TXLNG: variants seen among roughly 807,000 people sequenced by gnomAD.
TXLNG encodes taxilin gamma.
Under a neutral mutation model 38.8 loss-of-function variants are expected in TXLNG, and 5 were observed. The ratio of observed to expected loss-of-function variants is 0.13; its 90% CI spans 0.07 to 0.27. TXLNG has a LOEUF of 0.27. Among genes scored for constraint, TXLNG ranks in the 10% least tolerant of loss-of-function variants. TXLNG has a pLI of 1.00. For missense variants in TXLNG, 393 were observed against 398.2 expected (o/e 0.99, Z 0.11); for synonymous variants, 182 against 158.2 (o/e 1.15, Z -1.13).
chrX:16,804,501 C>T (rs932435796), intron 1 of TXLNG, among the ~76,000 whole-genome samples: 1 of 109,862 alleles, frequency 9.1e-6, no homozygotes, highest in African/African-American at 3.3e-5. Flanking sequence ...TAGAGCCCCC[C>T]ACCCCCCGCC....
At position 16,841,576 on chromosome X, in the gene TXLNG, A is replaced by C; in HGVS notation, c.1397A>C (p.Lys466Thr). The C allele has an allele frequency of 8.3e-7, 1 of 1,211,701 alleles. No individual in the cohort carries two copies. The highest frequency in any genetic ancestry group is 1.8e-5 in the South Asian group (1 of 56,986). Residue 466 changes from lysine (K) to threonine (T), a missense_variant, in exon 10 of 10, where the codon AAA (lysine) becomes ACA (threonine). Transcript: ENST00000380122. Reference sequence around the variant, plus strand: ...CAGGTATCCATCAAAGCGGCCATCAAAGCGGCGAACAGGGATTTAGCAACA... The same window carrying C: ...CAGGTATCCATCAAAGCGGCCATCACAGCGGCGAACAGGGATTTAGCAACA... The part of the protein sequence containing the change: ...KEQVSIKAAI[K>T]AANRDLATPV...
At chrX:16,788,849 G>A (rs1013112438) in intron 1 of TXLNG, among the ~76,000 whole-genome samples, 1 of 110,367 alleles carries the variant, frequency 9.1e-6, no homozygotes, top group African/African-American at 3.3e-5. Context: ...TATATTTTTA[G>A]TAGAAACAGG....
At chrX:16,801,471 T>A (rs906159909) in intron 1 of TXLNG, among the ~76,000 whole-genome samples, 1 of 111,739 alleles carries the variant, frequency 8.9e-6, no homozygotes, top group Admixed American at 9.5e-5. Context: ...CAGGCGTGGG[T>A]CACCGAGCTC....
At chrX:16,797,155 A>T (rs930605017) in intron 1 of TXLNG, among the ~76,000 whole-genome samples, 3 of 109,546 alleles carry the variant, frequency 2.7e-5, no homozygotes, top group Admixed American at 2.0e-4. Flanking sequence ...GTGGTGGCGC[A>T]TGCCTGTAAT....
intron 3 of TXLNG, among the ~76,000 whole-genome samples, chrX:16,821,469 C>A (rs1027464543): frequency 1.2e-4 from 13 of 111,818 alleles, no homozygotes; most frequent in Non-Finnish European, 2.3e-4. Flanking sequence ...GGAAACCCTG[C>A]CATCCTATTT....
At chrX:16,830,879 GTGTGTGTA>G (rs1929382318) in intron 5 of TXLNG, among the ~76,000 whole-genome samples, 4 of 96,107 alleles carry the variant, frequency 4.2e-5, no homozygotes, top group African/African-American at 1.1e-4. Flanking sequence ...GTGTGTGTGT[GTGTGTGTA>G]TAGAGACAGT....
chrX:16,811,853 G>C (rs769149002), intron 1 of TXLNG, among the ~76,000 whole-genome samples: 21 of 108,636 alleles, frequency 1.9e-4, no homozygotes, highest in Non-Finnish European at 1.9e-5. Flanking sequence ...TGGCCAGGAT[G>C]GTCTTGATCA....
At chrX:16,824,260 T>A (rs1225880793) in intron 3 of TXLNG, among the ~76,000 whole-genome samples, 1 of 110,789 alleles carries the variant, frequency 9.0e-6, no homozygotes, top group African/African-American at 3.3e-5. Context: ...AGTGGTAGGA[T>A]TGCTTGAGCC....
chrX:16,837,505 T>A, intron 7 of TXLNG, 88 bp from the exon 8 acceptor site: 1 of 605,601 alleles, frequency 1.7e-6, no homozygotes, highest in African/African-American at 2.3e-5. Flanking sequence ...TCACTTGTAA[T>A]AAGTAACCAT....
Position 16,843,977 on chromosome X carries a change from C to T in TXLNG, c.*2211C>T, listed in dbSNP as rs1843941588. The T allele has an allele frequency of 9.0e-6, 1 of 111,399 alleles. No individual in the cohort carries two copies. Among genetic ancestry groups the T allele is most frequent in the Middle Eastern group, 4.6e-3 (1 of 217 alleles). 9.2% of individuals were successfully genotyped at this position (111,399 alleles called of 1,213,427 possible). On this transcript the variant is annotated 3_prime_UTR_variant, in exon 10 of 10. Coordinates refer to ENST00000380122, the MANE Select transcript of TXLNG (RefSeq NM_018360.3). ...AGTGTTGTGGCTTTGTAGCGCACCC[C>T]GTATCTACCATATTCTAGAACACTG...
chrX:16,828,112 G>C lies in TXLNG; in HGVS notation c.517G>C (p.Val173Leu). 1 of 1,210,230 alleles carries C rather than the reference G, an allele frequency of 8.3e-7. No homozygotes were observed. Among genetic ancestry groups the C allele is most frequent in the East Asian group, 3.0e-5 (1 of 33,826 alleles). ...YADLLEESRSVQKQMKILQKK... is the reference protein window; with the variant it reads ...YADLLEESRSLQKQMKILQKK... ...ATTTTAGCTGGAGGAGAGCAGGAGT[G>C]TTCAGAAGCAAATGAAGATCCTGCA... Residue 173 changes from valine (V) to leucine (L), a missense_variant, in exon 4 of 10, where the codon GTT (valine) becomes CTT (leucine). Coordinates refer to ENST00000380122, the MANE Select transcript of TXLNG (RefSeq NM_018360.3).
At position 16,843,111 on chromosome X, in the gene TXLNG, A is replaced by AAAT. The variant is rs1179784383; in HGVS notation, c.*1348_*1350dup. 1 of 112,581 alleles carries AAAT rather than the reference A, an allele frequency of 8.9e-6. No individual in the cohort carries two copies. Among genetic ancestry groups the AAAT allele is most frequent in the Non-Finnish European group, 1.9e-5 (1 of 53,345 alleles). 9.3% of individuals were successfully genotyped at this position (112,581 alleles called of 1,213,427 possible). A position where few individuals can be genotyped will look rare whatever the true frequency, so the allele number is the denominator to read the frequency against. On this transcript the variant is annotated 3_prime_UTR_variant, in exon 10 of 10. Coordinates refer to ENST00000380122, the MANE Select transcript of TXLNG (RefSeq NM_018360.3). ...ATAATTTGCATTGAAATGCTTTATG[A>AAAT]AATAAAAGGTTCTACTAGAACTGAT...
intron 1 of TXLNG, among the ~76,000 whole-genome samples, chrX:16,810,154 C>G (rs988791788): frequency 5.4e-5 from 6 of 111,666 alleles, no homozygotes; most frequent in Non-Finnish European, 9.4e-5. Context: ...GAGGATTAAG[C>G]TAATTAATAT....
rs181565417 is a variant in TXLNG at position 16,832,691 on chromosome X, G to A, written c.933G>A (p.Thr311=). 1.2e-5 allele frequency: 14 copies of A among 1,206,220 alleles called. No homozygotes were observed. In the East Asian group the frequency reaches 2.4e-4, roughly 21 times the overall value. Residue 311 remains threonine, a synonymous_variant, in exon 6 of 10, where the codon ACG becomes ACA. Coordinates refer to ENST00000380122, the MANE Select transcript of TXLNG (RefSeq NM_018360.3). ...TCGTGGATGCCAAACTGCAGCAAAC[G>A]ACACAACTGATAAAAGAAGCTGATG... ...QQLVDAKLQQ[T]TQLIKEADEK...
chrX:16,841,126 C>A (rs1455454210), intron 9 of TXLNG, among the ~76,000 whole-genome samples: 1 of 108,790 alleles, frequency 9.2e-6, no homozygotes, highest in African/African-American at 3.4e-5. Context: ...ACCCAGGAGG[C>A]AGAGGTTGCA....
At chrX:16,821,124 C>G (rs1290112353) in intron 3 of TXLNG, among the ~76,000 whole-genome samples, 1 of 81,924 alleles carries the variant, frequency 1.2e-5, no homozygotes, top group Admixed American at 1.7e-4. Context: ...TTTGGAGTTT[C>G]TTTCTTTCTT....
At chrX:16,836,362 T>C (rs1394176686) in intron 7 of TXLNG, among the ~76,000 whole-genome samples, 1 of 112,507 alleles carries the variant, frequency 8.9e-6, no homozygotes. Context: ...AGGCCTGTCA[T>C]GTCAGAGGCC....
At chrX:16,822,733 C>T (rs1342355262) in intron 3 of TXLNG, among the ~76,000 whole-genome samples, 1 of 112,366 alleles carries the variant, frequency 8.9e-6, no homozygotes, top group Non-Finnish European at 1.9e-5. Context: ...GTGACAATGA[C>T]AGACAGCCAT....
chrX:16,841,477 G>A lies in TXLNG; in HGVS notation c.1298G>A (p.Arg433Gln), dbSNP rs780116622. ...AAGGCCCTTCAAATAAAACTGGAAC[G>A]GTTAGAGAAGCTGTGCAGGGCTCTT... ...EYKALQIKLERLEKLCRALQT... is the reference protein window; with the variant it reads ...EYKALQIKLEQLEKLCRALQT... Residue 433 changes from arginine to glutamine, a missense_variant, in exon 10 of 10, where the codon CGG (arginine) becomes CAG (glutamine). By Grantham distance (43) the Arg-to-Gln change is conservative (BLOSUM62 1). Transcript: ENST00000380122. 8.3e-7 allele frequency: 1 copy of A among 1,211,575 alleles called. No homozygotes were observed. Among genetic ancestry groups the A allele is most frequent in the Non-Finnish European group, 1.1e-6 (1 of 895,432 alleles).
Sources: allele counts gnomAD v4.1 joint callset (sites outside exome capture counted in the v4.1 genomes callset), GRCh38; gene constraint gnomAD v4.1.1; transcripts MANE v1.5; gene names NCBI Gene and HGNC (gene_info 2026-07-23, HGNC 2026-07-21).